Variants in C7orf78 observed in about 807,000 individuals in gnomAD.
C7orf78 encodes the protein chromosome 7 open reading frame 78.
the C7orf78 span, chr7:12,523,012 G>A: frequency 2.5e-6 from 1 of 398,126 alleles, no homozygotes; most frequent in Non-Finnish European, 4.4e-6. Flanking sequence ...TATACCATGA[G>A]TCTCAGAGAG....
chr7:12,483,888 A>AAAAAG, the C7orf78 span: 2 of 151,350 alleles, frequency 1.3e-5, no homozygotes, highest in Non-Finnish European at 2.9e-5. Flanking sequence ...CAAAAAAAAA[A>AAAAAG]AAAAAAAGAA....
the C7orf78 span, among the ~76,000 whole-genome samples, chr7:12,519,104 C>T: frequency 8.5e-5 from 13 of 152,080 alleles, no homozygotes; most frequent in African/African-American, 3.1e-4. Flanking sequence ...GGATCCCACC[C>T]TCTATTGGTA....
At chr7:12,497,353 G>C in the C7orf78 span, among the ~76,000 whole-genome samples, 5 of 152,256 alleles carry the variant, frequency 3.3e-5, no homozygotes, top group African/African-American at 7.2e-5. Context: ...AGTGGGCACA[G>C]GTCAGTGAGT....
chr7:12,534,069 G>T, the C7orf78 span, among the ~76,000 whole-genome samples: 1 of 152,020 alleles, frequency 6.6e-6, no homozygotes, highest in Admixed American at 6.6e-5. Flanking sequence ...CCCTATGAAG[G>T]TTCAAATAAA....
the C7orf78 span, among the ~76,000 whole-genome samples, chr7:12,505,625 C>A: frequency 2.0e-5 from 3 of 152,058 alleles, no homozygotes; most frequent in African/African-American, 7.2e-5. Context: ...CTTGGACAAC[C>A]TATAGGTTTT....
the C7orf78 span, among the ~76,000 whole-genome samples, chr7:12,527,112 T>A: frequency 1.3e-5 from 2 of 149,136 alleles, no homozygotes; most frequent in Non-Finnish European, 3.0e-5. Flanking sequence ...TCCTAGTATA[T>A]GCTATGTGTC....
At chr7:12,541,566 T>A in the C7orf78 span, 1 of 152,072 alleles carries the variant, frequency 6.6e-6, no homozygotes, top group Admixed American at 6.5e-5. Context: ...CACAGTGAAG[T>A]TCTTCTACGG....
At chr7:12,540,100 C>G in the C7orf78 span, among the ~76,000 whole-genome samples, 1 of 152,188 alleles carries the variant, frequency 6.6e-6, no homozygotes, top group African/African-American at 2.4e-5. Context: ...AAGGAAAACT[C>G]TTGTCCATGT....
chr7:12,494,282 T>C, the C7orf78 span, among the ~76,000 whole-genome samples: 1 of 152,190 alleles, frequency 6.6e-6, no homozygotes, highest in African/African-American at 2.4e-5. Flanking sequence ...TGTGGTGCAC[T>C]GTGGTGTACA....
At chr7:12,529,111 T>C in the C7orf78 span, 2 of 397,850 alleles carry the variant, frequency 5.0e-6, no homozygotes, top group Non-Finnish European at 8.9e-6. Flanking sequence ...ATTGCTTTAG[T>C]GCAGGAGTTT....
At chr7:12,518,231 A>C in the C7orf78 span, among the ~76,000 whole-genome samples, 1 of 152,226 alleles carries the variant, frequency 6.6e-6, no homozygotes, top group African/African-American at 2.4e-5. Context: ...CAGGTAGGTC[A>C]GTCTTCAGGC....
chr7:12,522,759 A>G, the C7orf78 span, among the ~76,000 whole-genome samples: 19 of 152,334 alleles, frequency 1.2e-4, no homozygotes, highest in East Asian at 3.5e-3. Flanking sequence ...AAAAATTACC[A>G]GCCCTTAGTG....
chr7:12,519,277 C>A, the C7orf78 span, among the ~76,000 whole-genome samples: 1 of 152,202 alleles, frequency 6.6e-6, no homozygotes, highest in Non-Finnish European at 1.5e-5. Context: ...ACAGGCCACA[C>A]TGCTAATGGG....
chr7:12,495,762 T>A, the C7orf78 span, among the ~76,000 whole-genome samples: 1 of 152,204 alleles, frequency 6.6e-6, no homozygotes, highest in Non-Finnish European at 1.5e-5. Context: ...ATTACCACAG[T>A]AAATTTTAAG....
the C7orf78 span, chr7:12,486,984 A>G: frequency 2.8e-4 from 43 of 152,038 alleles, no homozygotes; most frequent in African/African-American, 9.9e-4. Context: ...CATGAGTGCA[A>G]TTTAACATAT....
At chr7:12,538,866 G>A in the C7orf78 span, among the ~76,000 whole-genome samples, 17 of 151,880 alleles carry the variant, frequency 1.1e-4, no homozygotes, top group African/African-American at 3.9e-4. Context: ...ATGATCAAAT[G>A]CTCATCCTTA....
chr7:12,508,641 G>C, the C7orf78 span, among the ~76,000 whole-genome samples: 2 of 152,160 alleles, frequency 1.3e-5, no homozygotes, highest in African/African-American at 4.8e-5. Flanking sequence ...TTAAGGGTAC[G>C]TTAACTAAAG....
chr7:12,494,544 A>G, the C7orf78 span, among the ~76,000 whole-genome samples: 1 of 152,228 alleles, frequency 6.6e-6, no homozygotes, highest in Non-Finnish European at 1.5e-5. Context: ...AGACTTGACA[A>G]GCAGCCAAAT....
the C7orf78 span, among the ~76,000 whole-genome samples, chr7:12,535,104 A>G: frequency 6.6e-6 from 1 of 152,250 alleles, no homozygotes; most frequent in Non-Finnish European, 1.5e-5. Flanking sequence ...AATATGCAGT[A>G]AGATGCACAA....
Sources: allele counts gnomAD v4.1 joint callset (sites outside exome capture counted in the v4.1 genomes callset), GRCh38; gene constraint gnomAD v4.1.1; transcripts MANE v1.5; gene names NCBI Gene and HGNC (gene_info 2026-07-23, HGNC 2026-07-21).